Variants in DNAH3 observed in about 807,000 individuals in gnomAD.
DNAH3 encodes the protein dynein axonemal heavy chain 3.
In DNAH3, 332 loss-of-function variants were observed where a neutral mutation model predicts 432.5. That is an observed-to-expected ratio of 0.77 (90% CI 0.70 to 0.84). The LOEUF (loss-of-function observed/expected upper bound fraction) is 0.84, where lower values mean the gene tolerates loss of function less well. Ranked by LOEUF, DNAH3 falls within the 40% of genes least tolerant of loss-of-function variation. DNAH3 has a pLI of 0.00. For synonymous variants in DNAH3, 1,956 were observed against 1,900.2 expected (o/e 1.03, Z -0.76); for missense variants, 4,861 against 5,114.0 (o/e 0.95, Z 1.51).
At chr16:21,115,848 C>A (rs896330726) in intron 12 of DNAH3, among the ~76,000 whole-genome samples, 3 of 152,026 alleles carry the variant, frequency 2.0e-5, no homozygotes, top group Non-Finnish European at 4.4e-5. Context: ...TCTCCCAAAT[C>A]AAATTCACGA....
At chr16:20,936,720 T>C in exon 60 of DNAH3, 1 of 1,609,192 alleles carries the variant, frequency 6.2e-7, no homozygotes, top group Non-Finnish European at 8.5e-7. Flanking sequence ...GGGTAAGACT[T>C]GGCTGCCCAC....
At chr16:21,062,744 G>A in intron 24 of DNAH3, 61 bp from the exon 25 acceptor site, 2 of 1,418,380 alleles carry the variant, frequency 1.4e-6, no homozygotes, top group Non-Finnish European at 1.9e-6. Context: ...TTCTAGCAAG[G>A]TGATACTTTC....
intron 23 of DNAH3, among the ~76,000 whole-genome samples, chr16:21,068,919 C>CTT (rs879302862): frequency 7.0e-6 from 1 of 143,622 alleles, no homozygotes. Flanking sequence ...TTTGTATTTG[C>CTT]TTTTTTTTTT....
intron 18 of DNAH3, among the ~76,000 whole-genome samples, chr16:21,094,114 A>T (rs536801081): frequency 9.2e-5 from 14 of 152,264 alleles, no homozygotes; most frequent in African/African-American, 2.9e-4. Flanking sequence ...TAAAGAGAAT[A>T]AAAAAACAAG....
At chr16:21,159,443 C>T (rs139863832), upstream of DNAH3, 240 of 1,613,490 alleles carry the variant, frequency 1.5e-4, no homozygotes, top group African/African-American at 3.1e-3. Flanking sequence ...AGCTCCCATC[C>T]CCCAACCAGA....
At chr16:21,059,726 G>A (rs2090276500) in intron 26 of DNAH3, among the ~76,000 whole-genome samples, 1 of 150,108 alleles carries the variant, frequency 6.7e-6, no homozygotes, top group Non-Finnish European at 1.5e-5. Flanking sequence ...AGTGAGCCAA[G>A]ATCGTACCAC....
In DNAH3 at chr16:20,963,958, G is replaced by A. The variant is rs376279103; in HGVS notation, c.9926C>T (p.Ser3309Leu). The stretch of plus-strand genomic sequence containing the variant: ...CATCGGCTCGATGTTGGCCAGGTCC[G>A]AGATACAAAAGAAGATGGTGGCAGA... The change falls in exon 53 of 62, where the codon TCG becomes TTG. Residue 3309 changes from serine (S) to leucine (L), a missense_variant. Coordinates refer to ENST00000261383, the Ensembl canonical transcript of DNAH3. 8.5e-5 allele frequency: 137 copies of A among 1,614,022 alleles called. No homozygotes were observed. Among genetic ancestry groups the A allele is most frequent in the Non-Finnish European group, 1.1e-4 (129 of 1,180,038 alleles).
In DNAH3 at chr16:21,017,849, T is replaced by C. The variant is rs73538214; in HGVS notation, c.6022+1775A>G. Among the ~76,000 whole-genome samples the C allele has an allele frequency of 1.9e-3, 286 of 152,284 alleles. 1 individual carries two copies. The highest frequency in any genetic ancestry group is 6.3e-3 in the African/African-American group (262 of 41,568). On this transcript the variant is annotated intron_variant, in intron 41 of 61. Transcript: ENST00000261383. Reference sequence around the variant, plus strand: ...ATTATTTCATTATTATGAAACATAATAATGTTTCATTATTATCAAACATAC... The same window carrying C: ...ATTATTTCATTATTATGAAACATAACAATGTTTCATTATTATCAAACATAC...
intron 16 of DNAH3, among the ~76,000 whole-genome samples, chr16:21,100,732 TG>T (rs962305997): frequency 6.6e-6 from 1 of 152,110 alleles, no homozygotes; most frequent in African/African-American, 2.4e-5. Context: ...GATGAAATGA[TG>T]GGGGAGAGAG....
intron 1 of DNAH3, among the ~76,000 whole-genome samples, chr16:21,146,682 C>T (rs1325037897): frequency 6.6e-6 from 1 of 152,108 alleles, no homozygotes; most frequent in Admixed American, 6.5e-5. Context: ...CAACAGATCT[C>T]TTGAACTTAT....
chr16:21,117,413 CT>C (rs2092230504), intron 11 of DNAH3, 74 bp from the exon 12 acceptor site: 2 of 790,602 alleles, frequency 2.5e-6, no homozygotes, highest in Non-Finnish European at 4.3e-6. Context: ...AAAGCCTTCT[CT>C]AATGCACTCA....
At chr16:20,988,789 C>T (rs900519603) in intron 44 of DNAH3, among the ~76,000 whole-genome samples, 3 of 152,198 alleles carry the variant, frequency 2.0e-5, no homozygotes, top group East Asian at 1.9e-4. Flanking sequence ...CTTAAGGTGG[C>T]GCGTCTGGAG....
intron 18 of DNAH3, among the ~76,000 whole-genome samples, chr16:21,088,425 T>C (rs753642389): frequency 6.6e-6 from 1 of 152,164 alleles, no homozygotes; most frequent in Non-Finnish European, 1.5e-5. Context: ...GCCTGGGTTA[T>C]TTGCAATCAC....
At chr16:21,131,504 A>AAGGAAGGAAGGAAGGAAG (rs1567846295) in intron 7 of DNAH3, among the ~76,000 whole-genome samples, 1 of 139,180 alleles carries the variant, frequency 7.2e-6, no homozygotes, top group African/African-American at 2.8e-5. Context: ...GAGATGAGAG[A>AAGGAAGGAAGGAAGGAAG]GAAGGAAGGA....
chr16:21,098,577 C>CTG (rs765877814), intron 17 of DNAH3, 39 bp downstream of exon 17: 2 of 1,584,444 alleles, frequency 1.3e-6, no homozygotes, highest in Admixed American at 3.6e-5. Context: ...ACCAATAGAC[C>CTG]AGTACAGTGT....
At chr16:21,042,095 T>G (rs201590404) in exon 32 of DNAH3, 2 of 1,613,612 alleles carry the variant, frequency 1.2e-6, no homozygotes, top group Non-Finnish European at 1.7e-6. Context: ...ACAGCGCAGG[T>G]TGGGTTCAGA....
At chr16:21,155,717 T>A (rs2092893618) in intron 1 of DNAH3, among the ~76,000 whole-genome samples, 1 of 152,118 alleles carries the variant, frequency 6.6e-6, no homozygotes, top group South Asian at 2.1e-4. Context: ...ACCCATTATT[T>A]ACCTGAAATT....
Position 21,064,957 on chromosome 16 carries a change from C to T in DNAH3, c.3519-2274G>A, listed in dbSNP as rs1041386973. ...AGGTTAAATGGCTGAATATCTTATC[C>T]AGACTTCCTGGGTATCAATTCTAGC... On this transcript the variant is annotated intron_variant, in intron 24 of 61. Coordinates refer to ENST00000261383, the Ensembl canonical transcript of DNAH3. 2.0e-5 allele frequency among the ~76,000 whole-genome samples: 3 copies of T among 150,722 alleles called. No homozygotes were observed. In the South Asian group the frequency reaches 6.3e-4, roughly 32 times the overall value.
Position 21,010,963 on chromosome 16 carries a change from CA to C in DNAH3, c.6023-7757del, listed in dbSNP as rs1300482326. Among the ~76,000 whole-genome samples, 10 of 149,860 alleles carry C rather than the reference CA, an allele frequency of 6.7e-5. No homozygotes were observed. In the Admixed American group the frequency reaches 6.7e-4, roughly 10 times the overall value. On this transcript the variant is annotated intron_variant, in intron 41 of 61. Coordinates refer to ENST00000261383, the Ensembl canonical transcript of DNAH3. ...AAGCTGCTGCAAAAGAGGATATACA[CA>C]AAAGAAGTCAGTTTGCAGGACACGA...
Sources: gnomAD v4.1 joint callset for allele counts (sites outside exome capture counted in the v4.1 genomes callset) on GRCh38, gnomAD v4.1.1 for gene constraint, MANE v1.5 for transcripts, NCBI Gene and HGNC (gene_info 2026-07-23, HGNC 2026-07-21) for gene names.